Variants in TSPAN10 observed in about 807,000 individuals in gnomAD.
The protein encoded by TSPAN10 is tetraspanin-10.
TSPAN10 carries 11 observed loss-of-function variants against 15.0 expected under a neutral mutation model. That is an observed-to-expected ratio of 0.73 (90% CI 0.46 to 1.21). The LOEUF (loss-of-function observed/expected upper bound fraction) is 1.21. Among genes scored for constraint, TSPAN10 ranks in the 50% most tolerant of loss-of-function variants. TSPAN10 has a pLI of 0.00. For missense variants in TSPAN10, 486 were observed against 470.6 expected (o/e 1.03, Z -0.30); for synonymous variants, 241 against 226.2 (o/e 1.07, Z -0.59).
chr17:81,647,444 C>T (rs890438366), intron 2 of TSPAN10: 22 of 461,254 alleles, frequency 4.8e-5, no homozygotes, highest in African/African-American at 4.2e-4. Context: ...CCCCTGCTTT[C>T]TGTCACTGCC....
intron 2 of TSPAN10, among the ~76,000 whole-genome samples, chr17:81,646,883 C>T (rs554179431): frequency 2.0e-5 from 3 of 151,610 alleles, no homozygotes; most frequent in African/African-American, 7.3e-5. Flanking sequence ...GTCTCCCTCT[C>T]GCCCAGGCTG....
chr17:81,647,761 TAGG>T (rs1356831342), intron 2 of TSPAN10, 137 bp from the exon 4 acceptor site: 5 of 839,690 alleles, frequency 6.0e-6, no homozygotes, highest in East Asian at 2.7e-5. Flanking sequence ...TGTGTGCGAA[TAGG>T]AGGGCGTATG....
chr17:81,648,232 C>T (rs1164547502), exon 3 of TSPAN10: 28 of 1,255,262 alleles, frequency 2.2e-5, no homozygotes, highest in Non-Finnish European at 2.8e-5. Context: ...CGGGGAGGAC[C>T]GCGCTGGCCC....
chr17:81,641,292 G>A (rs2036175315), upstream of TSPAN10, among the ~76,000 whole-genome samples: 4 of 152,284 alleles, frequency 2.6e-5, no homozygotes, highest in South Asian at 8.3e-4. Context: ...CCTTTGGGGA[G>A]GTGAAGGGAA....
At chr17:81,637,393 C>T (rs1309845128) in exon 1 of TSPAN10, 1 of 700,696 alleles carries the variant, frequency 1.4e-6, no homozygotes, top group Admixed American at 2.0e-5. Flanking sequence ...TTCCAAACTT[C>T]TCTCCATGCA....
At chr17:81,645,826 C>T (rs1186987632) in intron 2 of TSPAN10, 197 bp downstream of exon 3, 3 of 701,152 alleles carry the variant, frequency 4.3e-6, no homozygotes, top group Admixed American at 2.5e-5. Context: ...TGTGGACACA[C>T]ACCTACACAC....
chr17:81,639,651 GCGGTGGCTCACGCCTGTCATCCCAGCA>G (rs1356001907), upstream of TSPAN10, among the ~76,000 whole-genome samples: 129 of 149,782 alleles, frequency 8.6e-4, no homozygotes, highest in East Asian at 3.0e-3. Flanking sequence ...TCATCCCAGC[GCGGTGGCTCACGCCTGTCATCCCAGCA>G]CGGTGGCTCA....
At chr17:81,648,026 C>T (rs2144388001) in exon 3 of TSPAN10, 1 of 1,604,354 alleles carries the variant, frequency 6.2e-7, no homozygotes. Context: ...CGCCTGGATG[C>T]GGACGCAGCT....
At chr17:81,639,857 G>A (rs762226994), upstream of TSPAN10, among the ~76,000 whole-genome samples, 42 of 152,094 alleles carry the variant, frequency 2.8e-4, no homozygotes, top group Non-Finnish European at 4.3e-4. Context: ...GCGGGTGCCT[G>A]TAGTCCCAGC....
chr17:81,645,958 T>G, intron 2 of TSPAN10: 1 of 439,888 alleles, frequency 2.3e-6, no homozygotes, highest in Non-Finnish European at 4.1e-6. Context: ...ATAGGGGTGC[T>G]TGCCTCTCCT....
intron 1 of TSPAN10, among the ~76,000 whole-genome samples, chr17:81,643,329 C>CATGGTTGCAGT (rs1433307465): frequency 1.1e-5 from 1 of 91,888 alleles, no homozygotes; most frequent in Non-Finnish European, 2.0e-5. Context: ...ATTACCGGGA[C>CATGGTTGCAGT]GGCCGGGCGC....
chr17:81,645,297 G>A lies in TSPAN10; in HGVS notation c.342G>A (p.Gly114=), dbSNP rs368300947. Residue 114 remains glycine, a synonymous_variant, in exon 2 of 3, where the codon GGG becomes GGA. Coordinates refer to ENST00000611590, the Ensembl canonical transcript of TSPAN10. Reference sequence around the variant, plus strand: ...GGTCTCTGGGAAGTGATCTGGGGGGGCCCCTGCCCGCAGACCCCATGCTGG... The same window carrying A: ...GGTCTCTGGGAAGTGATCTGGGGGGACCCCTGCCCGCAGACCCCATGCTGG... 65 of 1,538,186 alleles carry A rather than the reference G, an allele frequency of 4.2e-5. No homozygotes were observed. The African/African-American group carries it at 4.7e-4, about 11-fold the overall frequency.
upstream of TSPAN10, chr17:81,642,333 A>G (rs1390955828): frequency 1.3e-6 from 2 of 1,561,362 alleles, no homozygotes. Flanking sequence ...AGTCAGGACC[A>G]GCCCAGCAGC....
intron 1 of TSPAN10, among the ~76,000 whole-genome samples, chr17:81,642,995 T>TTATATATATATATATATATATATATATA: frequency 7.0e-6 from 1 of 143,136 alleles, no homozygotes; most frequent in African/African-American, 2.5e-5. Flanking sequence ...CTACAAAATA[T>TTATATATATATATATATATATATATATA]TATATATATA....
At chr17:81,645,061 A>G in exon 2 of TSPAN10, 1 of 1,597,998 alleles carries the variant, frequency 6.3e-7, no homozygotes, top group Non-Finnish European at 8.5e-7. Context: ...TCCAGTGCCC[A>G]GGGAGGACCA....
intron 2 of TSPAN10, chr17:81,647,507 C>T (rs1343115362): frequency 6.1e-6 from 3 of 492,542 alleles, no homozygotes; most frequent in African/African-American, 5.8e-5. Context: ...TGGACCATTC[C>T]AGAAGCCTCT....
At chr17:81,647,948 C>G in exon 3 of TSPAN10, 1 of 1,609,808 alleles carries the variant, frequency 6.2e-7, no homozygotes, top group Non-Finnish European at 8.5e-7. Flanking sequence ...AGCCTTCCCG[C>G]CTCCTGCTGC....
At chr17:81,647,835 C>T (rs1470265573) in intron 2 of TSPAN10, 66 bp from the exon 4 acceptor site, 11 of 1,536,060 alleles carry the variant, frequency 7.2e-6, no homozygotes, top group Non-Finnish European at 8.7e-6. Flanking sequence ...CGACATTCGC[C>T]TCTGTGCCTG....
upstream of TSPAN10, among the ~76,000 whole-genome samples, chr17:81,641,810 G>A (rs982204985): frequency 1.9e-5 from 2 of 107,944 alleles, no homozygotes; most frequent in African/African-American, 8.4e-5. Context: ...CCCGGGAGGC[G>A]AGGTTGCAGT....
Sources: allele counts gnomAD v4.1 joint callset (sites outside exome capture counted in the v4.1 genomes callset), GRCh38; gene constraint gnomAD v4.1.1; transcripts MANE v1.5; gene names NCBI Gene and HGNC (gene_info 2026-07-23, HGNC 2026-07-21).